Variants in KCNA2 observed in about 807,000 individuals in gnomAD.
KCNA2 encodes the protein potassium voltage-gated channel subfamily A member 2.
In KCNA2, 11 loss-of-function variants were observed where a neutral mutation model predicts 33.4. The observed-to-expected ratio is 0.33, with a 90% CI of 0.21 to 0.55. The LOEUF (loss-of-function observed/expected upper bound fraction) is 0.55. Ranked by LOEUF, KCNA2 falls within the 20% of genes least tolerant of loss-of-function variation. KCNA2 has a pLI of 0.93. For synonymous variants in KCNA2, 222 were observed against 231.3 expected (o/e 0.96, Z 0.37); for missense variants, 291 against 621.6 (o/e 0.47, Z 5.66).
intron 1 of KCNA2, among the ~76,000 whole-genome samples, chr1:110,613,983 A>C: frequency 6.6e-6 from 1 of 152,276 alleles, no homozygotes; most frequent in African/African-American, 2.4e-5. Flanking sequence ...CCTCCTACCA[A>C]GGATCATTCC....
Position 110,604,900 on chromosome 1 carries a change from A to G in KCNA2, c.-118T>C. The G allele has an allele frequency of 2.2e-6, 2 of 897,570 alleles. No individual in the cohort carries two copies. Among genetic ancestry groups the G allele is most frequent in the South Asian group, 3.3e-5 (2 of 60,726 alleles). 55.6% of individuals were successfully genotyped at this position (897,570 alleles called of 1,614,324 possible). ...GAGCATTGGCCTGGTCTCCTGCAGG[A>G]GAGCCCCGAGAGCTCTCTGAGAGCT... is the stretch of plus-strand genomic sequence containing the variant. On this transcript the variant is annotated 5_prime_UTR_variant, in exon 3 of 3. Coordinates refer to ENST00000316361, the MANE Select transcript of KCNA2 (RefSeq NM_004974.4). This position sits in a 1 kb window ranked among gnomAD's most constrained non-coding sequence, Gnocchi z 7.6.
chr1:110,622,947 G>A (rs1374851420), intron 1 of KCNA2, among the ~76,000 whole-genome samples: 2 of 152,014 alleles, frequency 1.3e-5, no homozygotes, highest in East Asian at 3.8e-4. Flanking sequence ...AAAAATCTTG[G>A]CAGAATTTTT....
At chr1:110,611,158 G>A (rs1649859260), upstream of KCNA2, among the ~76,000 whole-genome samples, 1 of 152,210 alleles carries the variant, frequency 6.6e-6, no homozygotes, top group African/African-American at 2.4e-5. Flanking sequence ...GAGAAGCAAA[G>A]CCTGGTCAGT....
In KCNA2 at chr1:110,598,481, A is replaced by G; in HGVS notation, c.*4802T>C. On this transcript the variant is annotated 3_prime_UTR_variant, in exon 3 of 3. Coordinates refer to ENST00000316361, the MANE Select transcript of KCNA2 (RefSeq NM_004974.4). ...CTTCAGAGGGTGCTGTCCTCTCTCCACATGGGTTGATACTGATAGAGTCCT... is the reference window on the plus strand; with the variant it reads ...CTTCAGAGGGTGCTGTCCTCTCTCCGCATGGGTTGATACTGATAGAGTCCT... 1.0e-6 allele frequency: 1 copy of G among 985,374 alleles called. No homozygotes were observed. The highest frequency in any genetic ancestry group is 1.2e-6 in the Non-Finnish European group (1 of 829,924). 61.0% of individuals were successfully genotyped at this position (985,374 alleles called of 1,614,324 possible). A position where few individuals can be genotyped will look rare whatever the true frequency, so the allele number is the denominator to read the frequency against.
At position 110,597,329 on chromosome 1, in the gene KCNA2, T is replaced by G; in HGVS notation, c.*5954A>C. On this transcript the variant is annotated 3_prime_UTR_variant, in exon 3 of 3. Coordinates refer to ENST00000316361, the MANE Select transcript of KCNA2 (RefSeq NM_004974.4). Reference sequence around the variant, plus strand: ...TGGCTCAGGATGCTTTATTCTTATCTATTGGGAAGTGCTTTCGTGTAGGCT... The same window carrying G: ...TGGCTCAGGATGCTTTATTCTTATCGATTGGGAAGTGCTTTCGTGTAGGCT... The G allele has an allele frequency of 1.0e-6, 1 of 985,074 alleles. No individual in the cohort carries two copies. Among genetic ancestry groups the G allele is most frequent in the Non-Finnish European group, 1.2e-6 (1 of 829,674 alleles). 61.0% of individuals were successfully genotyped at this position (985,074 alleles called of 1,614,324 possible). A position where few individuals can be genotyped will look rare whatever the true frequency, so the allele number is the denominator to read the frequency against.
chr1:110,611,072 A>AAG (rs1649856174), upstream of KCNA2, among the ~76,000 whole-genome samples: 1 of 132,724 alleles, frequency 7.5e-6, no homozygotes, highest in Non-Finnish European at 1.7e-5. Flanking sequence ...AAGGAAGGAA[A>AAG]GGGACCTTCA....
chr1:110,600,120 T>G lies in KCNA2; in HGVS notation c.*3163A>C. 1 of 984,796 alleles carries G rather than the reference T, an allele frequency of 1.0e-6. No individual in the cohort carries two copies. Among genetic ancestry groups the G allele is most frequent in the African/African-American group, 1.8e-5 (1 of 57,058 alleles). 61.0% of individuals were successfully genotyped at this position (984,796 alleles called of 1,614,324 possible). On this transcript the variant is annotated 3_prime_UTR_variant, in exon 3 of 3. Transcript: ENST00000316361. ...ATAGACACAGGCCAGGCAAAGGTGA[T>G]TACATCTGATCTTTTGTTTGTGCCT... is the stretch of plus-strand genomic sequence containing the variant.
chr1:110,605,475 C>G lies in KCNA2; in HGVS notation c.-248G>C, dbSNP rs983530990. ...AGATGCACCAACAGGCAGCCCAACT[C>G]CTCATCACGTCTTCTCACTCGAGCT... On this transcript the variant is annotated 5_prime_UTR_variant, in exon 2 of 3. Coordinates refer to ENST00000316361, the MANE Select transcript of KCNA2 (RefSeq NM_004974.4). 6.6e-6 allele frequency: 1 copy of G among 152,440 alleles called. No homozygotes were observed. Among genetic ancestry groups the G allele is most frequent in the Non-Finnish European group, 1.5e-5 (1 of 68,238 alleles). 9.4% of individuals were successfully genotyped at this position (152,440 alleles called of 1,614,324 possible). A position where few individuals can be genotyped will look rare whatever the true frequency, so the allele number is the denominator to read the frequency against.
rs1394682763 is a variant in KCNA2, at chr1:110,595,463, G to C, written c.*7820C>G. Reference sequence around the variant, plus strand: ...TAGCCAGACTGGAGGGCTTCTGTGGGTGTGGGGAGATGGCAGACACCCCTG... The same window carrying C: ...TAGCCAGACTGGAGGGCTTCTGTGGCTGTGGGGAGATGGCAGACACCCCTG... On this transcript the variant is annotated 3_prime_UTR_variant, in exon 3 of 3. Transcript: ENST00000316361. 2.0e-6 allele frequency: 2 copies of C among 985,328 alleles called. No homozygotes were observed. The highest frequency in any genetic ancestry group is 6.1e-5 in the Admixed American group (1 of 16,268). 61.0% of individuals were successfully genotyped at this position (985,328 alleles called of 1,614,324 possible).
chr1:110,621,254 C>T (rs1457634707), intron 1 of KCNA2, among the ~76,000 whole-genome samples: 2 of 152,170 alleles, frequency 1.3e-5, no homozygotes, highest in Non-Finnish European at 2.9e-5. Context: ...TAATTTTAAC[C>T]ATAGCTTCAC....
Position 110,600,370 on chromosome 1 carries a change from T to C in KCNA2, c.*2913A>G, listed in dbSNP as rs1649284579. 1 of 984,738 alleles carries C rather than the reference T, an allele frequency of 1.0e-6. No individual in the cohort carries two copies. The highest frequency in any genetic ancestry group is 1.8e-5 in the African/African-American group (1 of 56,968). The allele number at this position is 984,738 out of a possible 1,614,324, so 61.0% of individuals were successfully genotyped here. ...CATATGCATTTTGTCCATGTAGTTT[T>C]TTATGTATTTTGCATCTGAGTTTCA... On this transcript the variant is annotated 3_prime_UTR_variant, in exon 3 of 3. Coordinates refer to ENST00000316361, the MANE Select transcript of KCNA2 (RefSeq NM_004974.4).
At chr1:110,631,001 AGCACAGGTCTGGCCTT>A (rs1557742949) in intron 1 of KCNA2, among the ~76,000 whole-genome samples, 1 of 152,228 alleles carries the variant, frequency 6.6e-6, no homozygotes, top group African/African-American at 2.4e-5. Flanking sequence ...TGCTGTCTCA[AGCACAGGTCTGGCCTT>A]GGTCGGCTGT....
Position 110,598,498 on chromosome 1 carries a change from T to C in KCNA2, c.*4785A>G. Reference sequence around the variant, plus strand: ...CTCTCTCCACATGGGTTGATACTGATAGAGTCCTCACTATAATATAGTGAG... The same window carrying C: ...CTCTCTCCACATGGGTTGATACTGACAGAGTCCTCACTATAATATAGTGAG... On this transcript the variant is annotated 3_prime_UTR_variant, in exon 3 of 3. Coordinates refer to ENST00000316361, the MANE Select transcript of KCNA2 (RefSeq NM_004974.4). The C allele has an allele frequency of 1.0e-6, 1 of 985,342 alleles. No individual in the cohort carries two copies. Among genetic ancestry groups the C allele is most frequent in the Non-Finnish European group, 1.2e-6 (1 of 829,926 alleles). 61.0% of individuals were successfully genotyped at this position (985,342 alleles called of 1,614,324 possible).
At chr1:110,622,208 T>G (rs564329927) in intron 1 of KCNA2, among the ~76,000 whole-genome samples, 1 of 152,146 alleles carries the variant, frequency 6.6e-6, no homozygotes, top group Non-Finnish European at 1.5e-5. Flanking sequence ...AAGAAATCAA[T>G]GTAATTCACC....
Position 110,597,620 on chromosome 1 carries a change from C to A in KCNA2, c.*5663G>T. On this transcript the variant is annotated 3_prime_UTR_variant, in exon 3 of 3. Transcript: ENST00000316361. ...TGTCCATTCCAGAAGGAGGTCAGAT[C>A]TCAAGAGGACAGGAGTCATGTGAAC... is the stretch of plus-strand genomic sequence containing the variant. 2 of 985,384 alleles carry A rather than the reference C, an allele frequency of 2.0e-6. No homozygotes were observed. The highest frequency in any genetic ancestry group is 2.4e-6 in the Non-Finnish European group (2 of 829,934). 61.0% of individuals were successfully genotyped at this position (985,384 alleles called of 1,614,324 possible).
At position 110,600,834 on chromosome 1, in the gene KCNA2, G is replaced by C; in HGVS notation, c.*2449C>G. On this transcript the variant is annotated 3_prime_UTR_variant, in exon 3 of 3. Coordinates refer to ENST00000316361, the MANE Select transcript of KCNA2 (RefSeq NM_004974.4). ...GCCCTGCAGATACCTGGGGATGTGG[G>C]TGACCAGGCACTAATGAGCACCCTG... 1.0e-6 allele frequency: 1 copy of C among 985,436 alleles called. No individual in the cohort carries two copies. The highest frequency in any genetic ancestry group is 1.2e-6 in the Non-Finnish European group (1 of 829,942). The allele number at this position is 985,436 out of a possible 1,614,324, so 61.0% of individuals were successfully genotyped here. A position where few individuals can be genotyped will look rare whatever the true frequency, so the allele number is the denominator to read the frequency against.
chr1:110,594,868 T>C lies in KCNA2; in HGVS notation c.*8415A>G, dbSNP rs993979892. 4 of 985,328 alleles carry C rather than the reference T, an allele frequency of 4.1e-6. No homozygotes were observed. The African/African-American group carries it at 7.0e-5, about 17-fold the overall frequency. 61.0% of individuals were successfully genotyped at this position (985,328 alleles called of 1,614,324 possible). ...ACCTGGCAGGTCAAAGTCCTTGCCC[T>C]ACACTTCATAGGCTAAAAAGGCAGT... On this transcript the variant is annotated 3_prime_UTR_variant, in exon 3 of 3. Coordinates refer to ENST00000316361, the MANE Select transcript of KCNA2 (RefSeq NM_004974.4).
In KCNA2 at chr1:110,601,873, C is replaced by T; in HGVS notation, c.*1410G>A. On this transcript the variant is annotated 3_prime_UTR_variant, in exon 3 of 3. Coordinates refer to ENST00000316361, the MANE Select transcript of KCNA2 (RefSeq NM_004974.4). ...GTATGTATATATATACACCCTAGTGCACATAGTCAAACACATGCATAAATT... is the reference window on the plus strand; with the variant it reads ...GTATGTATATATATACACCCTAGTGTACATAGTCAAACACATGCATAAATT... 11 of 1,446,266 alleles carry T rather than the reference C, an allele frequency of 7.6e-6. No individual in the cohort carries two copies. Among genetic ancestry groups the T allele is most frequent in the Non-Finnish European group, 9.1e-6 (10 of 1,104,144 alleles). The allele number at this position is 1,446,266 out of a possible 1,614,324, so 89.6% of individuals were successfully genotyped here.
Position 110,597,869 on chromosome 1 carries a change from G to A in KCNA2, c.*5414C>T. The A allele has an allele frequency of 1.0e-6, 1 of 985,284 alleles. No individual in the cohort carries two copies. Among genetic ancestry groups the A allele is most frequent in the Non-Finnish European group, 1.2e-6 (1 of 829,888 alleles). The allele number at this position is 985,284 out of a possible 1,614,324, so 61.0% of individuals were successfully genotyped here. On this transcript the variant is annotated 3_prime_UTR_variant, in exon 3 of 3. Transcript: ENST00000316361. ...GATGAAGCTGAGATTTGGTGGGAAG[G>A]GAAGCAGAAAAAAAGGAAAAGTAAA...
Sources: allele counts gnomAD v4.1 joint callset (sites outside exome capture counted in the v4.1 genomes callset), GRCh38; gene constraint gnomAD v4.1.1; non-coding constraint Gnocchi (gnomAD v3.1); transcripts MANE v1.5; gene names NCBI Gene and HGNC (gene_info 2026-07-23, HGNC 2026-07-21).